TBX1: variants seen among roughly 807,000 people sequenced by gnomAD.
TBX1 encodes T-box transcription factor TBX1.
Under a neutral mutation model 40.8 loss-of-function variants are expected in TBX1, and 16 were observed. The ratio of observed to expected loss-of-function variants is 0.39; its 90% CI spans 0.27 to 0.60. The LOEUF (loss-of-function observed/expected upper bound fraction) is 0.60. TBX1 is among the 20% of genes least tolerant of loss of function. TBX1 has a pLI of 0.51. For missense variants in TBX1, 755 were observed against 728.5 expected (o/e 1.04, Z -0.42); for synonymous variants, 403 against 336.8 (o/e 1.20, Z -2.15).
chr22:19,757,378 G>C (rs1389944283), upstream of TBX1, among the ~76,000 whole-genome samples: 1 of 152,136 alleles, frequency 6.6e-6, no homozygotes, highest in African/African-American at 2.4e-5. Flanking sequence ...GGGACCTCTG[G>C]ACCGATCCTT....
Position 19,766,094 on chromosome 22 carries a change from G to A in TBX1, c.1036+92G>A, listed in dbSNP as rs112979119. The A allele has an allele frequency of 9.7e-4, 1,099 of 1,134,386 alleles. 1 individual carries two copies. Among genetic ancestry groups the A allele is most frequent in the Non-Finnish European group, 1.2e-3 (1,062 of 888,124 alleles). The allele number at this position is 1,134,386 out of a possible 1,614,324, so 70.3% of individuals were successfully genotyped here. ...GCCCGACCTCGCCTGCGCCCCCGGG[G>A]CGCTCCAGGCTTTCGCGCCGGTTGC... is the stretch of plus-strand genomic sequence containing the variant. On this transcript the variant is annotated intron_variant, in intron 6 of 6. Coordinates refer to ENST00000649276, the MANE Select transcript of TBX1 (RefSeq NM_001379200.1).
At chr22:19,781,242 AT>A (rs879802694), downstream of TBX1, among the ~76,000 whole-genome samples, 1 of 150,210 alleles carries the variant, frequency 6.7e-6, no homozygotes, top group Admixed American at 6.7e-5. Flanking sequence ...TCATTTGTCT[AT>A]TTTTTTTTAA....
At chr22:19,771,047 G>A (rs549148717), downstream of TBX1, among the ~76,000 whole-genome samples, 3 of 152,184 alleles carry the variant, frequency 2.0e-5, no homozygotes, top group African/African-American at 4.8e-5. Context: ...CCATGGGCAC[G>A]GGGACGTTCA....
chr22:19,761,969 A>G (rs953893456), intron 1 of TBX1, among the ~76,000 whole-genome samples: 25 of 152,234 alleles, frequency 1.6e-4, no homozygotes, highest in African/African-American at 5.8e-4. Context: ...TGACCGGTAG[A>G]CAAAGGCGGG....
chr22:19,765,692 T>C (rs1936809357), intron 4 of TBX1, 66 bp from the exon 5 acceptor site: 2 of 1,577,844 alleles, frequency 1.3e-6, no homozygotes, highest in Non-Finnish European at 1.7e-6. Context: ...TCCCCTATCC[T>C]CCGCCGAGGT....
intron 8 of TBX1, chr22:19,779,104 C>A: frequency 8.0e-7 from 1 of 1,252,558 alleles, no homozygotes; most frequent in Non-Finnish European, 1.1e-6. Context: ...GCAGTCCTGT[C>A]CTGCCCTTCC....
downstream of TBX1, among the ~76,000 whole-genome samples, chr22:19,770,693 G>A (rs890589449): frequency 5.3e-5 from 8 of 152,334 alleles, no homozygotes; most frequent in Non-Finnish European, 7.4e-5. Flanking sequence ...GGATCCATGC[G>A]ATGACAGTTG....
rs1050524818 is a variant in TBX1, at chr22:19,766,986, G to A, written c.*119G>A. ...TCCCCCAGCCCCAGGGGCCACCGCG[G>A]CTCTCCCCTTCCCCAGCCTCGAAGC... On this transcript the variant is annotated 3_prime_UTR_variant, in exon 7 of 7. Transcript: ENST00000649276. The A allele has an allele frequency of 8.3e-6, 12 of 1,442,950 alleles. No individual in the cohort carries two copies. The highest frequency in any genetic ancestry group is 1.1e-5 in the Non-Finnish European group (12 of 1,100,262). The allele number at this position is 1,442,950 out of a possible 1,614,324, so 89.4% of individuals were successfully genotyped here.
chr22:19,766,080 C>A, intron 6 of TBX1, 78 bp downstream of exon 6: 1 of 1,252,888 alleles, frequency 8.0e-7, no homozygotes, highest in East Asian at 3.4e-5. Context: ...CCCGACCTCG[C>A]CTGCGCCCCC....
At chr22:19,780,776 G>GGTTTTTT (rs1555898567), downstream of TBX1, among the ~76,000 whole-genome samples, 52 of 119,080 alleles carry the variant, frequency 4.4e-4, 1 homozygote, top group African/African-American at 1.7e-3. Context: ...CTTGTTTTCT[G>GGTTTTTT]TTTTTTTTTT....
intron 8 of TBX1, among the ~76,000 whole-genome samples, chr22:19,773,061 G>A (rs1418699087): frequency 6.6e-6 from 1 of 152,240 alleles, no homozygotes; most frequent in Non-Finnish European, 1.5e-5. Flanking sequence ...GCCGCTAGCT[G>A]GTGGCATTGT....
chr22:19,765,087 G>A lies in TBX1; in HGVS notation c.841G>A (p.Ala281Thr). 1 of 1,614,192 alleles carries A rather than the reference G, an allele frequency of 6.2e-7. No homozygotes were observed. Among genetic ancestry groups the A allele is most frequent in the South Asian group, 1.1e-5 (1 of 91,084 alleles). ...TGTGTTCGAGGAGACACGATTCACCGCGGTCACTGCCTACCAGAACCATCG... is the reference window on the plus strand; with the variant it reads ...TGTGTTCGAGGAGACACGATTCACCACGGTCACTGCCTACCAGAACCATCG... ...TFVFEETRFT[A>T]VTAYQNHRIT... The change falls in exon 4 of 7, where the codon GCG becomes ACG. Residue 281 changes from alanine to threonine, a missense_variant. Around this residue, in one of 3 missense-constraint regions of TBX1, gnomAD observed 144 missense variants for 238.0 expected, o/e 0.61. Transcript: ENST00000649276.
At chr22:19,779,478 C>T (rs545596342) in exon 9 of TBX1, 1,076 of 1,601,472 alleles carry the variant, frequency 6.7e-4, no homozygotes, top group Non-Finnish European at 6.7e-4. Context: ...TTTGAAATTT[C>T]CAAAATTAAA....
At chr22:19,780,076 A>G (rs1937124658), downstream of TBX1, among the ~76,000 whole-genome samples, 1 of 152,262 alleles carries the variant, frequency 6.6e-6, no homozygotes. Flanking sequence ...CTAGTTAGCT[A>G]GACTTAAGCA....
chr22:19,779,387 G>T, exon 9 of TBX1: 1 of 1,614,196 alleles, frequency 6.2e-7, no homozygotes, highest in Non-Finnish European at 8.5e-7. Context: ...TGGGAGGACC[G>T]CAGGTGACCG....
At chr22:19,779,555 CAT>C (rs1222466622), downstream of TBX1, 1 of 1,485,012 alleles carries the variant, frequency 6.7e-7, no homozygotes, top group Admixed American at 2.3e-5. Flanking sequence ...AATACTTCTC[CAT>C]AGAGTCACAC....
In TBX1 at chr22:19,766,788, C is replaced by A; in HGVS notation, c.1436C>A (p.Ala479Asp). 6.7e-7 allele frequency: 1 copy of A among 1,501,224 alleles called. No homozygotes were observed. 93.0% of individuals were successfully genotyped at this position (1,501,224 alleles called of 1,614,324 possible). A position where few individuals can be genotyped will look rare whatever the true frequency, so the allele number is the denominator to read the frequency against. ...GCCGCCGCGGCCGCCGCCGCCGCTG[C>A]CGCAGCTGCCGCGGCCGCCAACATG... is the stretch of plus-strand genomic sequence containing the variant. ...SPAAAAAAAAAAAAAAANMYS... is the reference protein window; with the variant it reads ...SPAAAAAAAADAAAAAANMYS... The change falls in exon 7 of 7, where the codon GCC becomes GAC. Residue 479 changes from alanine (A) to aspartate (D), a missense_variant. By Grantham distance (126) the Ala-to-Asp change is moderately radical (BLOSUM62 -2). This residue lies in a region of TBX1 where 412 missense variants were observed against 317.6 expected (regional missense o/e 1.30). Coordinates refer to ENST00000649276, the MANE Select transcript of TBX1 (RefSeq NM_001379200.1).
chr22:19,766,777 C>T lies in TBX1; in HGVS notation c.1425C>T (p.Ala475=), dbSNP rs754705790. 20 of 1,480,832 alleles carry T rather than the reference C, an allele frequency of 1.4e-5. No homozygotes were observed. Among genetic ancestry groups the T allele is most frequent in the Non-Finnish European group, 1.7e-5 (19 of 1,130,568 alleles). The allele number at this position is 1,480,832 out of a possible 1,614,324, so 91.7% of individuals were successfully genotyped here. ...HHPVSPAAAA[A]AAAAAAAAAA... ...CCGTGAGTCCAGCCGCCGCGGCCGCCGCCGCCGCTGCCGCAGCTGCCGCGG... is the reference window on the plus strand; with the variant it reads ...CCGTGAGTCCAGCCGCCGCGGCCGCTGCCGCCGCTGCCGCAGCTGCCGCGG... Residue 475 remains alanine, a synonymous_variant, in exon 7 of 7, where the codon GCC becomes GCT. Transcript: ENST00000649276.
At chr22:19,776,952 A>C (rs1021089400) in intron 8 of TBX1, among the ~76,000 whole-genome samples, 6 of 151,946 alleles carry the variant, frequency 3.9e-5, no homozygotes, top group Admixed American at 1.3e-4. Flanking sequence ...TGCAGGCAGG[A>C]AGGGCCAGCA....
Sources: gnomAD v4.1 joint callset for allele counts (sites outside exome capture counted in the v4.1 genomes callset) on GRCh38, gnomAD v4.1.1 for gene constraint, gnomAD v4.1.1 regional missense constraint, MANE v1.5 for transcripts, NCBI Gene and HGNC (gene_info 2026-07-23, HGNC 2026-07-21) for gene names.